RWDD3: variants seen among roughly 807,000 people sequenced by gnomAD.
RWDD3 encodes the protein RWD domain-containing protein 3.
A neutral mutation model predicts 26.5 loss-of-function variants in RWDD3; 30 were observed. The observed-to-expected ratio is 1.13, with a 90% confidence interval of 0.85 to 1.54. The LOEUF (loss-of-function observed/expected upper bound fraction) is 1.54, where lower values mean the gene tolerates loss of function less well. Ranked by LOEUF, RWDD3 falls within the 40% of genes most tolerant of loss-of-function variation. The pLI, the probability that RWDD3 is intolerant of heterozygous loss-of-function variation, is 0.00. For missense variants in RWDD3, 296 were observed against 309.1 expected (o/e 0.96, Z 0.32); for synonymous variants, 113 against 114.5 (o/e 0.99, Z 0.09).
chr1:95,239,925 G>C, intron 1 of RWDD3: 1 of 1,289,692 alleles, frequency 7.8e-7, no homozygotes, highest in Non-Finnish European at 1.0e-6. Flanking sequence ...TGTTTATATG[G>C]CACAGGTTGG....
chr1:95,234,383 C>G, intron 1 of RWDD3, 68 bp downstream of exon 1: 1 of 1,436,510 alleles, frequency 7.0e-7, no homozygotes, highest in Non-Finnish European at 9.6e-7. Flanking sequence ...TGCGTCTCCT[C>G]CCCACCACGG....
chr1:95,244,809 G>A (rs768268704), intron 2 of RWDD3, 111 bp downstream of exon 2: 20 of 1,228,730 alleles, frequency 1.6e-5, no homozygotes, highest in Non-Finnish European at 2.2e-5. Flanking sequence ...AGATGTTTCT[G>A]CTTTCATTAT....
At chr1:95,234,611 C>A (rs1002008000) in intron 1 of RWDD3, among the ~76,000 whole-genome samples, 1 of 150,862 alleles carries the variant, frequency 6.6e-6, no homozygotes, top group Non-Finnish European at 1.5e-5. Context: ...CCCCCAGCCT[C>A]CCACCCCTCA....
In RWDD3 at chr1:95,235,609, C is replaced by T. The variant is rs377207758; in HGVS notation, c.85+1294C>T. On this transcript the variant is annotated intron_variant, in intron 1 of 3. Coordinates refer to ENST00000370202, the MANE Select transcript of RWDD3 (RefSeq NM_015485.5). ...TCCTGACCTCGTGATCCGCGCGTCT[C>T]GGCCTCCCAAGGTGCTGGGATTACA... Among the ~76,000 whole-genome samples, 292 of 152,076 alleles carry T rather than the reference C, an allele frequency of 1.9e-3. 15 individuals carry two copies. The South Asian group carries it at 0.058, about 30-fold the overall frequency.
rs1351277773 is a variant in RWDD3, at chr1:95,234,298, AG to A, written c.70del (p.Val24CysfsTer2). On this transcript the variant is annotated frameshift_variant, in exon 1 of 4. Transcript: ENST00000370202. LOFTEE classifies it high-confidence loss of function. ...ATTTTCTGCAGGCCCCACGAGTGGG[AG>A]GTGCTGAGCCGCTCAGGTGACTACC... ...AAIFCRPHEW[E>X]VLSRSETDGT... 1 of 1,596,472 alleles carries A rather than the reference AG, an allele frequency of 6.3e-7. No individual in the cohort carries two copies. The highest frequency in any genetic ancestry group is 1.7e-4 in the Middle Eastern group (1 of 6,036).
chr1:95,236,923 T>A (rs529723943), intron 1 of RWDD3, among the ~76,000 whole-genome samples: 1 of 152,270 alleles, frequency 6.6e-6, no homozygotes, highest in South Asian at 2.1e-4. Context: ...AAGAAAACAG[T>A]TTCTTAATCT....
At chr1:95,234,438 T>C (rs1557716846) in intron 1 of RWDD3, 123 bp downstream of exon 1, 1 of 878,148 alleles carries the variant, frequency 1.1e-6, no homozygotes, top group Non-Finnish European at 1.8e-6. Context: ...ACCGGGTTAG[T>C]TGAATGATGG....
At chr1:95,240,726 G>A (rs770927140) in intron 1 of RWDD3, among the ~76,000 whole-genome samples, 12 of 152,052 alleles carry the variant, frequency 7.9e-5, no homozygotes, top group Non-Finnish European at 1.6e-4. Flanking sequence ...GGAGAGGCAG[G>A]CGGCGAGGAG....
chr1:95,236,960 C>T (rs993259228), intron 1 of RWDD3, among the ~76,000 whole-genome samples: 2 of 152,138 alleles, frequency 1.3e-5, no homozygotes, highest in Admixed American at 6.5e-5. Flanking sequence ...CCTTTATCTG[C>T]TGTTAAATTG....
Position 95,234,259 on chromosome 1 carries a change from C to A in RWDD3, c.29C>A (p.Ser10Ter). 6.3e-7 allele frequency: 1 copy of A among 1,597,080 alleles called. No individual in the cohort carries two copies. The highest frequency in any genetic ancestry group is 1.3e-5 in the African/African-American group (1 of 74,820). The change falls in exon 1 of 4, where the codon TCG (serine) becomes TAG (stop). Residue 10 changes from serine to a stop codon, truncating the protein, a stop_gained. Transcript: ENST00000370202. LOFTEE classifies it high-confidence loss of function. ...GCGGAGCCTGTGCAGGAGGAGCTCT[C>A]GGTCCTGGCCGCGATTTTCTGCAGG... MAEPVQEEL[S>*]VLAAIFCRPH...
At chr1:95,240,215 C>A (rs1179364039) in intron 1 of RWDD3, among the ~76,000 whole-genome samples, 1 of 151,984 alleles carries the variant, frequency 6.6e-6, no homozygotes, top group Non-Finnish European at 1.5e-5. Context: ...ATCTTTGGGC[C>A]CATTATTTAC....
At chr1:95,240,124 C>G (rs901184900) in intron 1 of RWDD3, among the ~76,000 whole-genome samples, 1 of 152,178 alleles carries the variant, frequency 6.6e-6, no homozygotes, top group Non-Finnish European at 1.5e-5. Flanking sequence ...CTCTCGAAAT[C>G]GTTAACTTAA....
In RWDD3 at chr1:95,242,436, G is replaced by T. The variant is rs192470865; in HGVS notation, c.86-1775G>T. ...GCTTGTTCAATGATGAATGATTGAAGATCTTTAAAAGTTCTCCTCCTTCTT... is the reference window on the plus strand; with the variant it reads ...GCTTGTTCAATGATGAATGATTGAATATCTTTAAAAGTTCTCCTCCTTCTT... On this transcript the variant is annotated intron_variant, in intron 1 of 3. Coordinates refer to ENST00000370202, the MANE Select transcript of RWDD3 (RefSeq NM_015485.5). 3.4e-3 allele frequency among the ~76,000 whole-genome samples: 520 copies of T among 152,238 alleles called. 4 individuals are homozygous for T. The highest frequency in any genetic ancestry group is 3.1e-3 in the Non-Finnish European group (210 of 68,006).
intron 1 of RWDD3, among the ~76,000 whole-genome samples, chr1:95,238,947 G>C (rs1680488253): frequency 6.6e-6 from 1 of 152,154 alleles, no homozygotes; most frequent in Non-Finnish European, 1.5e-5. Flanking sequence ...TTCAGTTTGT[G>C]TTTTAGGTAT....
intron 1 of RWDD3, among the ~76,000 whole-genome samples, chr1:95,237,101 T>G (rs1680392771): frequency 6.6e-6 from 1 of 151,870 alleles, no homozygotes; most frequent in South Asian, 2.1e-4. Context: ...AATAATTCAG[T>G]GATTGAAATG....
chr1:95,239,992 A>G, intron 1 of RWDD3: 2 of 1,229,612 alleles, frequency 1.6e-6, no homozygotes, highest in Non-Finnish European at 2.1e-6. Context: ...AGTTTGCAGC[A>G]TAGCATCTTG....
upstream of RWDD3, chr1:95,234,199 G>C: frequency 1.3e-6 from 2 of 1,557,924 alleles, no homozygotes; most frequent in Non-Finnish European, 1.7e-6. Context: ...GGCAGCGGAA[G>C]GGGAAGCGCT....
intron 1 of RWDD3, among the ~76,000 whole-genome samples, chr1:95,239,510 A>G (rs1680514122): frequency 6.6e-6 from 1 of 152,200 alleles, no homozygotes; most frequent in Non-Finnish European, 1.5e-5. Context: ...GCCACATTAA[A>G]TACCAGAAGA....
chr1:95,246,623 C>T lies in RWDD3; in HGVS notation c.655C>T (p.Leu219=), dbSNP rs775964778. The T allele has an allele frequency of 6.2e-7, 1 of 1,611,696 alleles. No homozygotes were observed. Among genetic ancestry groups the T allele is most frequent in the Non-Finnish European group, 8.5e-7 (1 of 1,178,342 alleles). ...ATGCAAAGAGAAAATGATTAGTGTACTGTTTGAAACAAAAGTACAGACAGA... is the reference window on the plus strand; with the variant it reads ...ATGCAAAGAGAAAATGATTAGTGTATTGTTTGAAACAAAAGTACAGACAGA... ...KKCKEKMISV[L]FETKVQTEHK... is the part of the protein sequence containing the mutation. The change falls in exon 3 of 4, where the codon CTG becomes TTG. Residue 219 remains leucine (L), a synonymous_variant. Transcript: ENST00000370202.
Sources: allele counts gnomAD v4.1 joint callset (sites outside exome capture counted in the v4.1 genomes callset), GRCh38; gene constraint gnomAD v4.1.1; transcripts MANE v1.5; gene names NCBI Gene and HGNC (gene_info 2026-07-23, HGNC 2026-07-21).